Variants in KCNQ1 observed in about 807,000 individuals in gnomAD.
KCNQ1 encodes potassium voltage-gated channel subfamily KQT member 1.
A neutral mutation model predicts 72.4 loss-of-function variants in KCNQ1; 49 were observed. The ratio of observed to expected loss-of-function variants is 0.68; its 90% confidence interval spans 0.54 to 0.86. The LOEUF is 0.86. Ranked by LOEUF, KCNQ1 falls within the 40% of genes least tolerant of loss-of-function variation. The pLI, the probability that KCNQ1 is intolerant of heterozygous loss-of-function variation, is 0.00. For missense variants in KCNQ1, 790 were observed against 945.1 expected, an observed-to-expected ratio of 0.84 and a Z score of 2.15; for synonymous variants, 450 against 412.6, an observed-to-expected ratio of 1.09 and a Z score of -1.10.
chr11:2,459,471 C>A (rs7951832), intron 1 of KCNQ1, among the ~76,000 whole-genome samples: 5 of 151,968 alleles, frequency 3.3e-5, no homozygotes, highest in African/African-American at 1.2e-4. Flanking sequence ...AGGAGCTGTG[C>A]GGGTCTGAGA....
rs1846113892 is a variant in KCNQ1 at position 2,451,131 on chromosome 11, C to A, written c.386+5647C>A. 6.6e-6 allele frequency among the ~76,000 whole-genome samples: 1 copy of A among 152,150 alleles called. No individual in the cohort carries two copies. The highest frequency in any genetic ancestry group is 2.4e-5 in the African/African-American group (1 of 41,424). ...TGAGCCCTTCTGCAGAAACACCGTT[C>A]CCCGTAGAGCAGCAGTCCCCAACCT... On this transcript the variant is annotated intron_variant, in intron 1 of 15. Coordinates refer to ENST00000155840, the MANE Select transcript of KCNQ1 (RefSeq NM_000218.3). The surrounding 1 kb of genome is among the most constrained non-coding windows in gnomAD (Gnocchi z 6.4).
Position 2,538,089 on chromosome 11 carries a change from T to G in KCNQ1, c.477+10071T>G, listed in dbSNP as rs1232777647. Among the ~76,000 whole-genome samples the G allele has an allele frequency of 2.0e-5, 3 of 152,188 alleles. No individual in the cohort carries two copies. Among genetic ancestry groups the G allele is most frequent in the Non-Finnish European group, 4.4e-5 (3 of 68,038 alleles). On this transcript the variant is annotated intron_variant, in intron 2 of 15. Transcript: ENST00000155840. This position sits in a 1 kb window ranked among gnomAD's most constrained non-coding sequence, Gnocchi z 6.7. ...TGACCGTTTCTCCGTATAAAGCCCG[T>G]GTATATCCTCTGGAATGAGGACCTT... is the stretch of plus-strand genomic sequence containing the variant.
chr11:2,539,565 C>G (rs1382389679), intron 2 of KCNQ1, among the ~76,000 whole-genome samples: 1 of 152,168 alleles, frequency 6.6e-6, no homozygotes, highest in Non-Finnish European at 1.5e-5. Context: ...AAGGGAACAC[C>G]GCCATGGTGC....
chr11:2,743,493 T>C (rs1467134286), intron 11 of KCNQ1, among the ~76,000 whole-genome samples: 1 of 152,212 alleles, frequency 6.6e-6, no homozygotes, highest in Non-Finnish European at 1.5e-5. Flanking sequence ...TTGCTCTGAC[T>C]GTGGCCTCCC....
Position 2,473,637 on chromosome 11 carries a change from G to C in KCNQ1, c.386+28153G>C, listed in dbSNP as rs957819786. ...CCGGCATCATCCTCAGGGAACTCTGGAGGGACTGGGCCTCAGTTGGCCTGG... is the reference window on the plus strand; with the variant it reads ...CCGGCATCATCCTCAGGGAACTCTGCAGGGACTGGGCCTCAGTTGGCCTGG... On this transcript the variant is annotated intron_variant, in intron 1 of 15. Transcript: ENST00000155840. This position sits in a 1 kb window ranked among gnomAD's most constrained non-coding sequence, Gnocchi z 6.0. Among the ~76,000 whole-genome samples, 1 of 152,224 alleles carries C rather than the reference G, an allele frequency of 6.6e-6. No homozygotes were observed. The highest frequency in any genetic ancestry group is 2.4e-5 in the African/African-American group (1 of 41,472).
chr11:2,693,070 A>G (rs1277684290), intron 11 of KCNQ1: 2 of 398,686 alleles, frequency 5.0e-6, no homozygotes, highest in Admixed American at 4.4e-5. Context: ...CCAGTTAGCC[A>G]TAGAGGGGAA....
chr11:2,461,854 AG>A, intron 1 of KCNQ1: 1 of 427,062 alleles, frequency 2.3e-6, no homozygotes, highest in South Asian at 1.8e-5. Flanking sequence ...GGAGAGAGAA[AG>A]GGGTGGGTGG....
At chr11:2,459,132 C>T (rs943959159) in intron 1 of KCNQ1, among the ~76,000 whole-genome samples, 1 of 152,176 alleles carries the variant, frequency 6.6e-6, no homozygotes, top group Admixed American at 6.5e-5. Context: ...AGAGTTTGCA[C>T]CCAGCTCCCA....
At chr11:2,619,277 TTTTCCC>T in intron 10 of KCNQ1, 1 of 398,524 alleles carries the variant, frequency 2.5e-6, no homozygotes, top group Non-Finnish European at 4.4e-6. Flanking sequence ...AGGGCTTCTG[TTTTCCC>T]TCATTGATTA....
chr11:2,544,687 TTTG>T lies in KCNQ1; in HGVS notation c.477+16672_477+16674del, dbSNP rs2133683909. Among the ~76,000 whole-genome samples, 1 of 152,380 alleles carries T rather than the reference TTTG, an allele frequency of 6.6e-6. No homozygotes were observed. Among genetic ancestry groups the T allele is most frequent in the African/African-American group, 2.4e-5 (1 of 41,600 alleles). ...GAATCTTGCAACCTTTCTAAACTCA[TTTG>T]TTCCAGTGGCTTTTGAAAAAATGAA... On this transcript the variant is annotated intron_variant, in intron 2 of 15. Transcript: ENST00000155840. The surrounding 1 kb of genome is among the most constrained non-coding windows in gnomAD (Gnocchi z 4.4).
chr11:2,718,078 T>G (rs1210318294), intron 11 of KCNQ1, among the ~76,000 whole-genome samples: 1 of 152,212 alleles, frequency 6.6e-6, no homozygotes, highest in Non-Finnish European at 1.5e-5. Context: ...AGCTGCCTCT[T>G]CTGGAAGAGC....
chr11:2,521,792 C>T (rs1181798214), intron 1 of KCNQ1, among the ~76,000 whole-genome samples: 1 of 152,270 alleles, frequency 6.6e-6, no homozygotes, highest in Non-Finnish European at 1.5e-5. Context: ...AGTCCCGGCA[C>T]AGCCCCCACC....
At chr11:2,721,520 C>A (rs559126743) in intron 11 of KCNQ1, among the ~76,000 whole-genome samples, 1 of 152,364 alleles carries the variant, frequency 6.6e-6, no homozygotes, top group African/African-American at 2.4e-5. Context: ...GTGGAATCAG[C>A]AAATTGTATC....
rs1377347949 is a variant in KCNQ1 at position 2,676,379 on chromosome 11, C to T, written c.1514+14298C>T. The T allele has an allele frequency of 5.0e-6, 2 of 398,512 alleles. No individual in the cohort carries two copies. Among genetic ancestry groups the T allele is most frequent in the African/African-American group, 4.1e-5 (2 of 48,622 alleles). The allele number at this position is 398,512 out of a possible 1,614,324, so 24.7% of individuals were successfully genotyped here. ...GGGCTTCCAGTATAATTGGAAGGAGCATAGTCTCTGTGTTCAGCTAGAGAT... is the reference window on the plus strand; with the variant it reads ...GGGCTTCCAGTATAATTGGAAGGAGTATAGTCTCTGTGTTCAGCTAGAGAT... On this transcript the variant is annotated intron_variant, in intron 11 of 15. Transcript: ENST00000155840. The surrounding 1 kb of genome is among the most constrained non-coding windows in gnomAD (Gnocchi z 4.2).
At position 2,663,488 on chromosome 11, in the gene KCNQ1, A is replaced by C. The variant is rs918671505; in HGVS notation, c.1514+1407A>C. The C allele has an allele frequency of 3.3e-5, 13 of 398,646 alleles. 1 individual carries two copies. The highest frequency in any genetic ancestry group is 1.4e-4 in the African/African-American group (7 of 48,742). 24.7% of individuals were successfully genotyped at this position (398,646 alleles called of 1,614,324 possible). On this transcript the variant is annotated intron_variant, in intron 11 of 15. Coordinates refer to ENST00000155840, the MANE Select transcript of KCNQ1 (RefSeq NM_000218.3). This position sits in a 1 kb window ranked among gnomAD's most constrained non-coding sequence, Gnocchi z 5.2. ...AGTTTAGTGGCTCATGTTGTGTGCA[A>C]TACAGGTGGCAGTGCCTGTATTGCC...
At chr11:2,572,167 G>T in intron 5 of KCNQ1, 58 bp downstream of exon 5, 1 of 1,338,244 alleles carries the variant, frequency 7.5e-7, no homozygotes, top group Non-Finnish European at 1.1e-6. Flanking sequence ...GGAGGGAGCA[G>T]AGCAGCCCAC....
intron 15 of KCNQ1, among the ~76,000 whole-genome samples, chr11:2,806,007 T>C (rs1401276429): frequency 6.6e-6 from 1 of 152,200 alleles, no homozygotes; most frequent in Non-Finnish European, 1.5e-5. Flanking sequence ...TTGGTTCTTG[T>C]TATGCACATT....
At chr11:2,786,912 C>G (rs951598630) in intron 15 of KCNQ1, among the ~76,000 whole-genome samples, 3 of 144,838 alleles carry the variant, frequency 2.1e-5, no homozygotes, top group Non-Finnish European at 4.5e-5. Flanking sequence ...ATTTTTTCTT[C>G]TGCTGACTCT....
intron 11 of KCNQ1, among the ~76,000 whole-genome samples, chr11:2,728,383 C>G (rs1018664127): frequency 6.6e-6 from 1 of 152,256 alleles, no homozygotes; most frequent in African/African-American, 2.4e-5. Context: ...GCCGGCTGAA[C>G]GCCAACTGGT....
Sources: gnomAD v4.1 joint callset for allele counts (sites outside exome capture counted in the v4.1 genomes callset) on GRCh38, gnomAD v4.1.1 for gene constraint, Gnocchi (gnomAD v3.1) non-coding constraint, MANE v1.5 for transcripts, NCBI Gene and HGNC (gene_info 2026-07-23, HGNC 2026-07-21) for gene names.